NIPBL: variants seen among roughly 807,000 people sequenced by gnomAD.
NIPBL encodes the protein NIPBL cohesin loading factor.
In NIPBL, 19 loss-of-function variants were observed where a neutral mutation model predicts 321.8. That is an observed-to-expected ratio of 0.06 (90% CI 0.04 to 0.09). NIPBL has a LOEUF of 0.09. Ranked by LOEUF, NIPBL falls within the 10% of genes least tolerant of loss-of-function variation. The probability of loss-of-function intolerance (pLI) is 1.00; values close to 1 mark genes in which losing one functional copy is unlikely to be tolerated. For missense variants in NIPBL, 2,210 were observed against 3,327.0 expected (o/e 0.66, Z 8.26); for synonymous variants, 1,106 against 1,114.1 (o/e 0.99, Z 0.14).
At chr5:36,924,819 C>A (rs970964717) in intron 1 of NIPBL, among the ~76,000 whole-genome samples, 4 of 152,172 alleles carry the variant, frequency 2.6e-5, no homozygotes, top group African/African-American at 7.2e-5. Flanking sequence ...CTTGTCCTAT[C>A]CCCACCCCAG....
At chr5:36,884,464 G>A (rs1040140271) in intron 1 of NIPBL, among the ~76,000 whole-genome samples, 5 of 152,114 alleles carry the variant, frequency 3.3e-5, no homozygotes, top group African/African-American at 7.2e-5. Flanking sequence ...TTTTTTCTGA[G>A]GAGAAAGAGA....
intron 1 of NIPBL, among the ~76,000 whole-genome samples, chr5:36,901,500 CTTTTTTTTTTTT>C (rs35178851): frequency 1.3e-5 from 1 of 77,412 alleles, no homozygotes; most frequent in African/African-American, 5.5e-5. Context: ...CTTCTAAGTC[CTTTTTTTTTTTT>C]TTTTTTTTTT....
At chr5:36,916,153 A>T (rs1748441049) in intron 1 of NIPBL, among the ~76,000 whole-genome samples, 1 of 152,238 alleles carries the variant, frequency 6.6e-6, no homozygotes, top group South Asian at 2.1e-4. Flanking sequence ...ACTTTATCCA[A>T]ATTTGAAGTT....
chr5:36,892,669 T>C (rs527956665), intron 1 of NIPBL, among the ~76,000 whole-genome samples: 47 of 152,200 alleles, frequency 3.1e-4, no homozygotes, highest in African/African-American at 1.1e-3. Context: ...ACCATCATTC[T>C]CAGGGAACTA....
intron 1 of NIPBL, among the ~76,000 whole-genome samples, chr5:36,937,297 C>T (rs186664989): frequency 1.3e-5 from 2 of 152,274 alleles, no homozygotes; most frequent in Admixed American, 6.5e-5. Context: ...ATTAATAAAA[C>T]ATGTACTTCT....
At chr5:37,014,799 T>C (rs775300807) in intron 22 of NIPBL, 34 bp downstream of exon 22, 126 of 1,242,716 alleles carry the variant, frequency 1.0e-4, no homozygotes, top group South Asian at 1.2e-5. Context: ...GGTTTTTCTT[T>C]TCCACAGTAT....
chr5:36,981,774 T>C (rs890570851), intron 9 of NIPBL, among the ~76,000 whole-genome samples: 2 of 151,702 alleles, frequency 1.3e-5, no homozygotes, highest in Non-Finnish European at 3.0e-5. Flanking sequence ...ATGGCTCAGC[T>C]TCACTAATGT....
chr5:36,967,633 C>G (rs1462530640), intron 6 of NIPBL, among the ~76,000 whole-genome samples: 1 of 152,064 alleles, frequency 6.6e-6, no homozygotes, highest in African/African-American at 2.4e-5. Flanking sequence ...ATGTCCTGTT[C>G]CCGAATTGAA....
intron 1 of NIPBL, among the ~76,000 whole-genome samples, chr5:36,898,738 C>T (rs1416775366): frequency 2.0e-5 from 3 of 151,956 alleles, no homozygotes; most frequent in Non-Finnish European, 4.4e-5. Context: ...CTCGAACTCC[C>T]GACCTCAGGC....
chr5:37,021,176 G>A (rs997990865), intron 27 of NIPBL, among the ~76,000 whole-genome samples: 5 of 152,176 alleles, frequency 3.3e-5, no homozygotes, highest in African/African-American at 7.2e-5. Flanking sequence ...GCACATGCCT[G>A]TAATCCCAGC....
intron 1 of NIPBL, among the ~76,000 whole-genome samples, chr5:36,878,900 C>T (rs760139544): frequency 4.0e-5 from 6 of 151,866 alleles, no homozygotes; most frequent in Non-Finnish European, 7.4e-5. Flanking sequence ...TCCCACTAAT[C>T]TCCCATTCCT....
intron 1 of NIPBL, among the ~76,000 whole-genome samples, chr5:36,909,028 A>C (rs1311467769): frequency 6.6e-6 from 1 of 152,182 alleles, no homozygotes. Flanking sequence ...ACTGAAACCA[A>C]ATAGCATACC....
chr5:36,930,336 C>G (rs1749686145), intron 1 of NIPBL, among the ~76,000 whole-genome samples: 1 of 151,918 alleles, frequency 6.6e-6, no homozygotes, highest in Non-Finnish European at 1.5e-5. Context: ...GAATTGTTTT[C>G]TTAATTTCAT....
chr5:37,048,351 C>CT (rs1338299192), intron 38 of NIPBL, 151 bp from the exon 39 acceptor site: 2 of 361,234 alleles, frequency 5.5e-6, no homozygotes, highest in Non-Finnish European at 9.7e-6. Context: ...TAATGCTTCT[C>CT]TAGGTAAGGC....
intron 1 of NIPBL, among the ~76,000 whole-genome samples, chr5:36,933,912 A>G (rs1435977878): frequency 2.1e-5 from 3 of 143,508 alleles, no homozygotes; most frequent in Non-Finnish European, 3.0e-5. Flanking sequence ...TTTCTTAATA[A>G]GAGTATGGGG....
intron 22 of NIPBL, among the ~76,000 whole-genome samples, chr5:37,015,746 T>G (rs757811246): frequency 3.3e-5 from 5 of 151,900 alleles, no homozygotes; most frequent in Non-Finnish European, 7.4e-5. Context: ...AATAAAGAAT[T>G]TATGGTGATC....
chr5:36,983,435 A>T (rs571581793), intron 9 of NIPBL, among the ~76,000 whole-genome samples: 17 of 152,062 alleles, frequency 1.1e-4, no homozygotes, highest in Non-Finnish European at 2.4e-4. Flanking sequence ...AAGCATTACC[A>T]TTAGGAAAAA....
chr5:36,962,038 A>C, intron 5 of NIPBL, 85 bp from the exon 6 acceptor site: 1 of 1,453,174 alleles, frequency 6.9e-7, no homozygotes, highest in Non-Finnish European at 9.7e-7. Context: ...CTAAGAGATC[A>C]GAGGACTTTG....
intron 46 of NIPBL, 188 bp from the exon 47 acceptor site, chr5:37,064,339 T>C (rs1045588420): frequency 2.7e-5 from 39 of 1,446,970 alleles, no homozygotes; most frequent in South Asian, 2.2e-4. Context: ...TTAAGAGTTA[T>C]ATGGTTTTAC....
Sources: gnomAD v4.1 joint callset for allele counts (sites outside exome capture counted in the v4.1 genomes callset) on GRCh38, gnomAD v4.1.1 for gene constraint, MANE v1.5 for transcripts, NCBI Gene and HGNC (gene_info 2026-07-23, HGNC 2026-07-21) for gene names.